Variants in DLGAP2 observed in about 807,000 individuals in gnomAD.
DLGAP2 encodes DLG associated protein 2, also known as disks large-associated protein 2.
Under a neutral mutation model 100.3 loss-of-function variants are expected in DLGAP2, and 26 were observed. The ratio of observed to expected loss-of-function variants is 0.26; its 90% CI spans 0.19 to 0.36. The LOEUF (loss-of-function observed/expected upper bound fraction) is 0.36, where lower values mean the gene tolerates loss of function less well. Among genes scored for constraint, DLGAP2 ranks in the 10% least tolerant of loss-of-function variants. DLGAP2 has a pLI of 1.00. For synonymous variants in DLGAP2, 886 were observed against 630.1 expected, an observed-to-expected ratio of 1.41 and a Z score of -6.08; for missense variants, 1,858 against 1,453.2, an observed-to-expected ratio of 1.28 and a Z score of -4.53.
intron 2 of DLGAP2, among the ~76,000 whole-genome samples, chr8:1,040,857 G>T (rs1355745175): frequency 1.3e-5 from 2 of 152,168 alleles, no homozygotes; most frequent in East Asian, 3.9e-4. Flanking sequence ...TGACTCCGAG[G>T]TGAGCTCTTA....
intron 4 of DLGAP2, among the ~76,000 whole-genome samples, chr8:1,521,120 G>A (rs945387557): frequency 2.6e-5 from 4 of 151,452 alleles, no homozygotes; most frequent in African/African-American, 4.9e-5. Context: ...GGGGCGTCTG[G>A]TTTGCACACT....
chr8:1,189,815 T>TCC (rs1040317096), intron 2 of DLGAP2, among the ~76,000 whole-genome samples: 14 of 151,492 alleles, frequency 9.2e-5, no homozygotes, highest in African/African-American at 3.4e-4. Context: ...GCAGGAGGGG[T>TCC]CCCCCTGAGG....
chr8:1,154,246 A>T (rs1796742061), intron 2 of DLGAP2, among the ~76,000 whole-genome samples: 2 of 152,176 alleles, frequency 1.3e-5, no homozygotes. Flanking sequence ...ATGCCTTGCA[A>T]AGCAAATGAC....
At chr8:1,019,897 T>C (rs2129024169) in intron 2 of DLGAP2, among the ~76,000 whole-genome samples, 1 of 152,292 alleles carries the variant, frequency 6.6e-6, no homozygotes, top group South Asian at 2.1e-4. Context: ...CCTTCCGGGA[T>C]GGCCTGTGTG....
At chr8:869,031 C>T (rs1195946631) in intron 1 of DLGAP2, among the ~76,000 whole-genome samples, 1 of 152,362 alleles carries the variant, frequency 6.6e-6, no homozygotes, top group East Asian at 1.9e-4. Flanking sequence ...GGTTTCTCCA[C>T]AGGCGTCCTG....
At chr8:1,097,202 G>C (rs1804405830) in intron 2 of DLGAP2, among the ~76,000 whole-genome samples, 1 of 129,236 alleles carries the variant, frequency 7.7e-6, no homozygotes, top group African/African-American at 3.2e-5. Flanking sequence ...GTCGAGCTGG[G>C]AGCCTAGGGC....
At chr8:1,497,353 G>A (rs545907571) in intron 3 of DLGAP2, among the ~76,000 whole-genome samples, 34 of 152,326 alleles carry the variant, frequency 2.2e-4, no homozygotes, top group Admixed American at 9.1e-4. Flanking sequence ...TGGACCATGG[G>A]AAGTAAAGAG....
intron 6 of DLGAP2, among the ~76,000 whole-genome samples, chr8:1,619,139 C>G (rs1797249414): frequency 6.6e-6 from 1 of 152,188 alleles, no homozygotes; most frequent in Admixed American, 6.5e-5. Context: ...TCAAGAACTC[C>G]TACAAAACAA....
At chr8:1,337,441 A>T (rs112895092) in intron 3 of DLGAP2, among the ~76,000 whole-genome samples, 291 of 924 alleles carry the variant, frequency 0.31, 8 homozygotes, top group East Asian at 0.38. Context: ...GGTGATGATG[A>T]TGATGGTGAT....
At chr8:1,696,234 G>A (rs1351921292) in intron 13 of DLGAP2, among the ~76,000 whole-genome samples, 3 of 152,176 alleles carry the variant, frequency 2.0e-5, no homozygotes, top group East Asian at 3.9e-4. Flanking sequence ...GGGCACGGTG[G>A]CTCACCCTGT....
intron 2 of DLGAP2, among the ~76,000 whole-genome samples, chr8:1,203,184 G>A (rs1268727643): frequency 2.6e-5 from 4 of 152,166 alleles, no homozygotes; most frequent in Admixed American, 2.6e-4. Context: ...CGATGTGTGT[G>A]TCCTGCACGA....
intron 2 of DLGAP2, among the ~76,000 whole-genome samples, chr8:1,225,373 A>C (rs1215531894): frequency 6.6e-6 from 1 of 152,260 alleles, no homozygotes; most frequent in Non-Finnish European, 1.5e-5. Context: ...AATATCCATA[A>C]CTGGTAAATC....
chr8:1,574,858 G>A (rs1487095012), intron 6 of DLGAP2, among the ~76,000 whole-genome samples: 2 of 152,178 alleles, frequency 1.3e-5, no homozygotes, highest in African/African-American at 4.8e-5. Context: ...ATAAATATGT[G>A]ACTCATGAGA....
intron 2 of DLGAP2, among the ~76,000 whole-genome samples, chr8:1,170,320 T>C (rs1446257560): frequency 6.6e-6 from 1 of 151,682 alleles, no homozygotes; most frequent in African/African-American, 2.4e-5. Context: ...TCAATGTTCA[T>C]CAAGGATATT....
intron 4 of DLGAP2, among the ~76,000 whole-genome samples, chr8:1,509,953 C>T (rs1800101772): frequency 6.6e-6 from 1 of 152,082 alleles, no homozygotes; most frequent in African/African-American, 2.4e-5. Context: ...GGAGAGGAGT[C>T]GGTGTAATAC....
intron 2 of DLGAP2, among the ~76,000 whole-genome samples, chr8:1,207,203 C>G (rs1008549795): frequency 1.3e-5 from 2 of 152,154 alleles, no homozygotes; most frequent in African/African-American, 4.8e-5. Context: ...TACACTGTAC[C>G]CAACGTGTAG....
At chr8:1,538,273 A>G (rs77437430) in intron 4 of DLGAP2, among the ~76,000 whole-genome samples, 2 of 152,248 alleles carry the variant, frequency 1.3e-5, no homozygotes, top group East Asian at 3.9e-4. Context: ...TAAAATCTCT[A>G]TAGTGTGTTC....
chr8:1,201,293 C>T (rs1053618687), intron 2 of DLGAP2, among the ~76,000 whole-genome samples: 5 of 152,310 alleles, frequency 3.3e-5, no homozygotes, highest in Admixed American at 6.5e-5. Flanking sequence ...CCAGCATCCC[C>T]GCGCAGGTGT....
chr8:902,492 G>T (rs1798273369), intron 1 of DLGAP2, among the ~76,000 whole-genome samples: 1 of 146,992 alleles, frequency 6.8e-6, no homozygotes, highest in South Asian at 2.3e-4. Context: ...AGTCACAGAG[G>T]CGCTGGGTGC....
Sources: allele counts gnomAD v4.1 joint callset (sites outside exome capture counted in the v4.1 genomes callset), GRCh38; gene constraint gnomAD v4.1.1; transcripts MANE v1.5; gene names NCBI Gene and HGNC (gene_info 2026-07-23, HGNC 2026-07-21).